SOX12: variants seen among roughly 807,000 people sequenced by gnomAD.
The protein encoded by SOX12 is transcription factor SOX-12.
SOX12 carries 8 observed loss-of-function variants against 21.5 expected under a neutral mutation model. That is an observed-to-expected ratio of 0.37 (90% CI 0.22 to 0.67). The LOEUF is 0.67. Among genes scored for constraint, SOX12 ranks in the 30% least tolerant of loss-of-function variants. SOX12 has a pLI of 0.56. For synonymous variants in SOX12, 235 were observed against 224.2 expected, an observed-to-expected ratio of 1.05 and a Z score of -0.43; for missense variants, 400 against 482.6, an observed-to-expected ratio of 0.83 and a Z score of 1.60.
rs760848645 is a variant in SOX12 at position 326,728 on chromosome 20, C to T, written c.804C>T (p.Ser268=). ...LPPGPAGLDC[S]ALDRDPDLQP... is the part of the protein sequence containing the mutation. ...CTGGCCCGGCCGGCCTGGACTGCAG[C>T]GCCCTGGATCGCGACCCGGACCTGC... The change falls in exon 1 of 1, where the codon AGC becomes AGT. Residue 268 remains serine, a synonymous_variant. Coordinates refer to ENST00000342665, the MANE Select transcript of SOX12 (RefSeq NM_006943.4). The surrounding 1 kb of genome is among the most constrained non-coding windows in gnomAD (Gnocchi z 9.9). 9.3e-6 allele frequency: 15 copies of T among 1,608,772 alleles called. No homozygotes were observed. Among genetic ancestry groups the T allele is most frequent in the Admixed American group, 1.7e-5 (1 of 59,212 alleles).
Position 326,604 on chromosome 20 carries a change from CGGAGGA to C in SOX12, c.681_686del (p.Glu232_Glu233del), listed in dbSNP as rs2013098042. On this transcript the variant is annotated inframe_deletion, in exon 1 of 1. Coordinates refer to ENST00000342665, the MANE Select transcript of SOX12 (RefSeq NM_006943.4). The surrounding 1 kb of genome is among the most constrained non-coding windows in gnomAD (Gnocchi z 9.9). Reference sequence around the variant, plus strand: ...CCGACACCGTCGGAGGACGAGGAGCCGGAGGAAGAGGAGGAGGAGGCGGCAGCGGCT... The same window carrying C: ...CCGACACCGTCGGAGGACGAGGAGCCAGAGGAGGAGGAGGCGGCAGCGGCT... 2 of 1,537,550 alleles carry C rather than the reference CGGAGGA, an allele frequency of 1.3e-6. No homozygotes were observed. Among genetic ancestry groups the C allele is most frequent in the Admixed American group, 2.0e-5 (1 of 49,816 alleles).
In SOX12 at chr20:327,378, C is replaced by T. The variant is rs928362146; in HGVS notation, c.*506C>T. ...TTATCCCCGGAGCGCTAGGGCCCGC[C>T]CCTCCGCTGGGGCCCACCCCCTTCG... On this transcript the variant is annotated 3_prime_UTR_variant, in exon 1 of 1. Transcript: ENST00000342665. 1.6e-5 allele frequency: 3 copies of T among 186,842 alleles called. No individual in the cohort carries two copies. Among genetic ancestry groups the T allele is most frequent in the African/African-American group, 4.8e-5 (2 of 41,506 alleles). The allele number at this position is 186,842 out of a possible 1,614,324, so 11.6% of individuals were successfully genotyped here. A position where few individuals can be genotyped will look rare whatever the true frequency, so the allele number is the denominator to read the frequency against.
chr20:325,904 G>A lies in SOX12; in HGVS notation c.-21G>A. 9.0e-7 allele frequency: 1 copy of A among 1,113,018 alleles called. No individual in the cohort carries two copies. The highest frequency in any genetic ancestry group is 5.4e-5 in the East Asian group (1 of 18,460). The allele number at this position is 1,113,018 out of a possible 1,614,324, so 68.9% of individuals were successfully genotyped here. A position where few individuals can be genotyped will look rare whatever the true frequency, so the allele number is the denominator to read the frequency against. ...TGCGGACGGCCCCCGGCGGCGTCTA[G>A]CGGCCCCGGGCCCAGGCGCGATGGT... On this transcript the variant is annotated 5_prime_UTR_variant, in exon 1 of 1. An upstream open reading frame in the 5' UTR loses its in-frame stop. Transcript: ENST00000342665. This position sits in a 1 kb window ranked among gnomAD's most constrained non-coding sequence, Gnocchi z 5.0.
Position 328,761 on chromosome 20 carries a change from T to C in SOX12, c.*1889T>C, listed in dbSNP as rs188941645. ...CCTGTGGTTCTGCATGTCTGTGCTCTTCCTCAACCCTCCCTAAACAGTTTG... is the reference window on the plus strand; with the variant it reads ...CCTGTGGTTCTGCATGTCTGTGCTCCTCCTCAACCCTCCCTAAACAGTTTG... On this transcript the variant is annotated 3_prime_UTR_variant, in exon 1 of 1. Coordinates refer to ENST00000342665, the MANE Select transcript of SOX12 (RefSeq NM_006943.4). The C allele has an allele frequency of 2.1e-3, 350 of 167,390 alleles. 1 individual carries two copies. The highest frequency in any genetic ancestry group is 4.1e-3 in the Non-Finnish European group (283 of 68,244). 10.4% of individuals were successfully genotyped at this position (167,390 alleles called of 1,614,324 possible). A position where few individuals can be genotyped will look rare whatever the true frequency, so the allele number is the denominator to read the frequency against.
In SOX12 at chr20:326,318, G is replaced by A; in HGVS notation, c.394G>A (p.Gly132Ser). The change falls in exon 1 of 1, where the codon GGC becomes AGC. Residue 132 changes from glycine (G) to serine (S), a missense_variant. Around this residue, in one of 4 missense-constraint regions of SOX12, gnomAD observed 92 missense variants for 162.0 expected, o/e 0.57. Transcript: ENST00000342665. The surrounding 1 kb of genome is among the most constrained non-coding windows in gnomAD (Gnocchi z 9.9). ...ARPRPPGGSG[G>S]GSRLKPGPQL... ...GCCCCGCCCCCCCGGTGGTAGCGGT[G>A]GCGGCAGCCGGCTCAAGCCCGGGCC... The A allele has an allele frequency of 7.3e-7, 1 of 1,377,942 alleles. No homozygotes were observed. The highest frequency in any genetic ancestry group is 9.4e-7 in the Non-Finnish European group (1 of 1,062,678). 85.4% of individuals were successfully genotyped at this position (1,377,942 alleles called of 1,614,324 possible).
Position 326,542 on chromosome 20 carries a change from G to A in SOX12, c.618G>A (p.Pro206=), listed in dbSNP as rs765753698. Residue 206 remains proline (P), a synonymous_variant, in exon 1 of 1, where the codon CCG becomes CCA. Coordinates refer to ENST00000342665, the MANE Select transcript of SOX12 (RefSeq NM_006943.4). This position sits in a 1 kb window ranked among gnomAD's most constrained non-coding sequence, Gnocchi z 9.9. The part of the protein sequence containing the change: ...ARGQAERAQG[P]SGEGAAAAAA... ...GACAAGCGGAGCGCGCCCAAGGGCC[G>A]TCGGGCGAGGGGGCGGCCGCCGCCG... 2.7e-5 allele frequency: 40 copies of A among 1,502,970 alleles called. No individual in the cohort carries two copies. The Middle Eastern group carries it at 6.7e-4, about 25-fold the overall frequency. 93.1% of individuals were successfully genotyped at this position (1,502,970 alleles called of 1,614,324 possible). A position where few individuals can be genotyped will look rare whatever the true frequency, so the allele number is the denominator to read the frequency against.
rs1291210981 is a variant in SOX12, at chr20:327,449, G to C, written c.*577G>C. The C allele has an allele frequency of 5.9e-6, 1 of 169,658 alleles. No homozygotes were observed. The highest frequency in any genetic ancestry group is 1.4e-5 in the Non-Finnish European group (1 of 69,938). The allele number at this position is 169,658 out of a possible 1,614,324, so 10.5% of individuals were successfully genotyped here. A position where few individuals can be genotyped will look rare whatever the true frequency, so the allele number is the denominator to read the frequency against. ...GGGGAGGAGGGGGCTGGTCCCAGCGGAGCCGCACTCTTCGCCCGCTCCGGG... is the reference window on the plus strand; with the variant it reads ...GGGGAGGAGGGGGCTGGTCCCAGCGCAGCCGCACTCTTCGCCCGCTCCGGG... On this transcript the variant is annotated 3_prime_UTR_variant, in exon 1 of 1. Transcript: ENST00000342665.
rs1040461890 is a variant in SOX12, at chr20:327,464, C to T, written c.*592C>T. 2.4e-5 allele frequency: 4 copies of T among 168,462 alleles called. No homozygotes were observed. Among genetic ancestry groups the T allele is most frequent in the African/African-American group, 7.2e-5 (3 of 41,464 alleles). The allele number at this position is 168,462 out of a possible 1,614,324, so 10.4% of individuals were successfully genotyped here. A position where few individuals can be genotyped will look rare whatever the true frequency, so the allele number is the denominator to read the frequency against. On this transcript the variant is annotated 3_prime_UTR_variant, in exon 1 of 1. Coordinates refer to ENST00000342665, the MANE Select transcript of SOX12 (RefSeq NM_006943.4). ...GGTCCCAGCGGAGCCGCACTCTTCGCCCGCTCCGGGCAAAAGCGGGGGCGA... is the reference window on the plus strand; with the variant it reads ...GGTCCCAGCGGAGCCGCACTCTTCGTCCGCTCCGGGCAAAAGCGGGGGCGA...
chr20:325,864 C>G lies in SOX12; in HGVS notation c.-61C>G. On this transcript the variant is annotated 5_prime_UTR_variant, in exon 1 of 1. Coordinates refer to ENST00000342665, the MANE Select transcript of SOX12 (RefSeq NM_006943.4). This position sits in a 1 kb window ranked among gnomAD's most constrained non-coding sequence, Gnocchi z 5.0. Reference sequence around the variant, plus strand: ...CGTCGCCGCTGCCTCCTCCCCCACCCCCAGCCGCGGAGGATGCGGACGGCC... The same window carrying G: ...CGTCGCCGCTGCCTCCTCCCCCACCGCCAGCCGCGGAGGATGCGGACGGCC... The G allele has an allele frequency of 1.0e-6, 1 of 1,000,596 alleles. No homozygotes were observed. The highest frequency in any genetic ancestry group is 1.2e-6 in the Non-Finnish European group (1 of 831,536). 62.0% of individuals were successfully genotyped at this position (1,000,596 alleles called of 1,614,324 possible).
rs1251356454 is a variant in SOX12 at position 329,290 on chromosome 20, A to G, written c.*2418A>G. On this transcript the variant is annotated 3_prime_UTR_variant, in exon 1 of 1. Transcript: ENST00000342665. ...CTTTCCATATGTATAACGTGGGGAT[A>G]ATAATAATAGCTGCTTCACAGGATG... is the stretch of plus-strand genomic sequence containing the variant. 6.0e-6 allele frequency: 1 copy of G among 167,106 alleles called. No individual in the cohort carries two copies. The highest frequency in any genetic ancestry group is 1.5e-5 in the Non-Finnish European group (1 of 68,148). The allele number at this position is 167,106 out of a possible 1,614,324, so 10.4% of individuals were successfully genotyped here. A position where few individuals can be genotyped will look rare whatever the true frequency, so the allele number is the denominator to read the frequency against.
chr20:326,400 C>G lies in SOX12; in HGVS notation c.476C>G (p.Ala159Gly). 7.5e-7 allele frequency: 1 copy of G among 1,338,598 alleles called. No homozygotes were observed. Among genetic ancestry groups the G allele is most frequent in the Non-Finnish European group, 9.5e-7 (1 of 1,050,508 alleles). The allele number at this position is 1,338,598 out of a possible 1,614,324, so 82.9% of individuals were successfully genotyped here. Residue 159 changes from alanine (A) to glycine (G), a missense_variant, in exon 1 of 1, where the codon GCG becomes GGG. By Grantham distance (60) the Ala-to-Gly change is moderately conservative. Transcript: ENST00000342665. This position sits in a 1 kb window ranked among gnomAD's most constrained non-coding sequence, Gnocchi z 9.9. ...RAAGGPLGGGAAAPEDDDEDD... is the reference protein window; with the variant it reads ...RAAGGPLGGGGAAPEDDDEDD... ...GCGGGAGGGCCTTTGGGGGGCGGGG[C>G]GGCGGCGCCCGAGGACGACGATGAA...
Position 327,221 on chromosome 20 carries a change from C to T in SOX12, c.*349C>T, listed in dbSNP as rs11556199. Reference sequence around the variant, plus strand: ...CCTCCTCGTGGCCGGAGGACCCGCCCCCTCCTTTGCTCCGGAATCTCTCCT... The same window carrying T: ...CCTCCTCGTGGCCGGAGGACCCGCCTCCTCCTTTGCTCCGGAATCTCTCCT... On this transcript the variant is annotated 3_prime_UTR_variant, in exon 1 of 1. Transcript: ENST00000342665. 2,548 of 290,012 alleles carry T rather than the reference C, an allele frequency of 8.8e-3. 71 individuals are homozygous for T. The highest frequency in any genetic ancestry group is 0.055 in the African/African-American group (2,395 of 43,790). The allele number at this position is 290,012 out of a possible 1,614,324, so 18.0% of individuals were successfully genotyped here. A position where few individuals can be genotyped will look rare whatever the true frequency, so the allele number is the denominator to read the frequency against.
In SOX12 at chr20:325,637, C is replaced by G. The variant is rs1365057078; in HGVS notation, c.-288C>G. 4 of 150,926 alleles carry G rather than the reference C, an allele frequency of 2.7e-5. No homozygotes were observed. Among genetic ancestry groups the G allele is most frequent in the African/African-American group, 9.7e-5 (4 of 41,138 alleles). The allele number at this position is 150,926 out of a possible 1,614,324, so 9.3% of individuals were successfully genotyped here. ...GCTGCAGGAAGAGCCCGCGGGGGCC[C>G]GGAGGGTGCGATTCCTCGGCCCCCG... On this transcript the variant is annotated 5_prime_UTR_variant, in exon 1 of 1. Coordinates refer to ENST00000342665, the MANE Select transcript of SOX12 (RefSeq NM_006943.4). The surrounding 1 kb of genome is among the most constrained non-coding windows in gnomAD (Gnocchi z 5.0).
Position 326,860 on chromosome 20 carries a change from T to G in SOX12, c.936T>G (p.Val312=). Reference sequence around the variant, plus strand: ...GCCCGTCTAGCATCGCAGACCTGGTTTTCACCTACTGAGCCCACCGTCAGC... The same window carrying G: ...GCCCGTCTAGCATCGCAGACCTGGTGTTCACCTACTGAGCCCACCGTCAGC... ...DWRPSSIADL[V]FTY Residue 312 remains valine (V), a synonymous_variant, in exon 1 of 1, where the codon GTT becomes GTG. Transcript: ENST00000342665. The surrounding 1 kb of genome is among the most constrained non-coding windows in gnomAD (Gnocchi z 9.9). 6.2e-7 allele frequency: 1 copy of G among 1,613,018 alleles called. No homozygotes were observed. Among genetic ancestry groups the G allele is most frequent in the Non-Finnish European group, 8.5e-7 (1 of 1,179,770 alleles).
Position 325,809 on chromosome 20 carries a change from G to A in SOX12, c.-116G>A. The A allele has an allele frequency of 6.6e-6, 3 of 457,462 alleles. No homozygotes were observed. Among genetic ancestry groups the A allele is most frequent in the South Asian group, 9.1e-5 (1 of 11,016 alleles). 28.3% of individuals were successfully genotyped at this position (457,462 alleles called of 1,614,324 possible). On this transcript the variant is annotated 5_prime_UTR_variant, in exon 1 of 1. Coordinates refer to ENST00000342665, the MANE Select transcript of SOX12 (RefSeq NM_006943.4). This position sits in a 1 kb window ranked among gnomAD's most constrained non-coding sequence, Gnocchi z 5.0. ...CCTCGCTCCCCAGTTCGCGGGGGCC[G>A]GGCCGAGCCGCGGGGCGGGGCCGCC...
chr20:327,265 T>C lies in SOX12; in HGVS notation c.*393T>C. ...CTCTCCTCCCTCGCCCGGCCCGCCT[T>C]CTCTGGGTTAGGGGGGCGATGCGGC... On this transcript the variant is annotated 3_prime_UTR_variant, in exon 1 of 1. Coordinates refer to ENST00000342665, the MANE Select transcript of SOX12 (RefSeq NM_006943.4). The C allele has an allele frequency of 4.3e-6, 1 of 230,984 alleles. No homozygotes were observed. The highest frequency in any genetic ancestry group is 9.3e-6 in the Non-Finnish European group (1 of 107,288). 14.3% of individuals were successfully genotyped at this position (230,984 alleles called of 1,614,324 possible).
rs975730143 is a variant in SOX12, at chr20:326,499, C to T, written c.575C>T (p.Ala192Val). The change falls in exon 1 of 1, where the codon GCG becomes GTG. Residue 192 changes from alanine (A) to valine (V), a missense_variant. Coordinates refer to ENST00000342665, the MANE Select transcript of SOX12 (RefSeq NM_006943.4). This position sits in a 1 kb window ranked among gnomAD's most constrained non-coding sequence, Gnocchi z 9.9. Reference sequence around the variant, plus strand: ...CGGGAGCTGTGGAGGATGGTCCCGGCGGGACGGGCCGCTCGGGGACAAGCG... The same window carrying T: ...CGGGAGCTGTGGAGGATGGTCCCGGTGGGACGGGCCGCTCGGGGACAAGCG... ...PGRELWRMVP[A>V]GRAARGQAER... The T allele has an allele frequency of 6.3e-6, 9 of 1,434,714 alleles. No homozygotes were observed. Among genetic ancestry groups the T allele is most frequent in the Non-Finnish European group, 6.3e-6 (7 of 1,107,114 alleles). 88.9% of individuals were successfully genotyped at this position (1,434,714 alleles called of 1,614,324 possible).
Position 325,814 on chromosome 20 carries a change from G to C in SOX12, c.-111G>C, listed in dbSNP as rs1332465422. ...CTCCCCAGTTCGCGGGGGCCGGGCCGAGCCGCGGGGCGGGGCCGCCCCTCC... is the reference window on the plus strand; with the variant it reads ...CTCCCCAGTTCGCGGGGGCCGGGCCCAGCCGCGGGGCGGGGCCGCCCCTCC... On this transcript the variant is annotated 5_prime_UTR_variant, in exon 1 of 1. Transcript: ENST00000342665. This position sits in a 1 kb window ranked among gnomAD's most constrained non-coding sequence, Gnocchi z 5.0. 3.1e-5 allele frequency: 16 copies of C among 509,600 alleles called. No individual in the cohort carries two copies. The highest frequency in any genetic ancestry group is 3.6e-5 in the Non-Finnish European group (14 of 392,594). 31.6% of individuals were successfully genotyped at this position (509,600 alleles called of 1,614,324 possible).
chr20:326,047 G>C lies in SOX12; in HGVS notation c.123G>C (p.Lys41Asn). 2 of 1,596,412 alleles carry C rather than the reference G, an allele frequency of 1.3e-6. No individual in the cohort carries two copies. Among genetic ancestry groups the C allele is most frequent in the East Asian group, 2.3e-5 (1 of 43,430 alleles). The change falls in exon 1 of 1, where the codon AAG (lysine) becomes AAC (asparagine). Residue 41 changes from lysine (K) to asparagine (N), a missense_variant. Physicochemically the swap from Lys to Asn is moderately conservative, Grantham distance 94 (BLOSUM62 0). Around this residue, in one of 4 missense-constraint regions of SOX12, gnomAD observed 92 missense variants for 162.0 expected, o/e 0.57. Coordinates refer to ENST00000342665, the MANE Select transcript of SOX12 (RefSeq NM_006943.4). The surrounding 1 kb of genome is among the most constrained non-coding windows in gnomAD (Gnocchi z 9.9). ...GCAAGACCCCGAGCGGCCACATCAA[G>C]AGGCCGATGAACGCATTCATGGTGT... ...GWCKTPSGHI[K>N]RPMNAFMVWS...
Sources: gnomAD v4.1 joint callset for allele counts on GRCh38, gnomAD v4.1.1 for gene constraint, gnomAD v4.1.1 regional missense constraint, Gnocchi (gnomAD v3.1) non-coding constraint, MANE v1.5 for transcripts, NCBI Gene and HGNC (gene_info 2026-07-23, HGNC 2026-07-21) for gene names.